HPSE2: variants seen among roughly 807,000 people sequenced by gnomAD.
HPSE2 encodes inactive heparanase-2.
In HPSE2, 38 loss-of-function variants were observed where a neutral mutation model predicts 60.5. The observed-to-expected ratio is 0.63, with a 90% CI of 0.48 to 0.82. The LOEUF (loss-of-function observed/expected upper bound fraction) is 0.82, where lower values mean the gene tolerates loss of function less well. HPSE2 is among the 40% of genes least tolerant of loss of function. The pLI is 0.00. For synonymous variants in HPSE2, 295 were observed against 293.2 expected (o/e 1.01, Z -0.06); for missense variants, 713 against 740.4 (o/e 0.96, Z 0.43).
intron 4 of HPSE2, among the ~76,000 whole-genome samples, chr10:98,738,638 A>C (rs1464112083): frequency 6.6e-6 from 1 of 151,758 alleles, no homozygotes; most frequent in Non-Finnish European, 1.5e-5. Context: ...AAGAAAAAAA[A>C]CCCCCATCAA....
intron 3 of HPSE2, among the ~76,000 whole-genome samples, chr10:99,082,305 G>T (rs1191900490): frequency 2.6e-5 from 4 of 152,180 alleles, no homozygotes; most frequent in African/African-American, 4.8e-5. Context: ...CAGCTGGAAA[G>T]TTCCCAAAAG....
At chr10:98,569,802 C>T (rs1944445133) in intron 9 of HPSE2, among the ~76,000 whole-genome samples, 1 of 152,162 alleles carries the variant, frequency 6.6e-6, no homozygotes, top group African/African-American at 2.4e-5. Context: ...CCAGAAGTCT[C>T]TTTTTTACCT....
chr10:98,700,632 A>C (rs1427291863), intron 5 of HPSE2, among the ~76,000 whole-genome samples: 3 of 94,392 alleles, frequency 3.2e-5, no homozygotes, highest in Admixed American at 2.6e-4. Flanking sequence ...ACAAAAGCCA[A>C]AATTGACAAA....
intron 3 of HPSE2, among the ~76,000 whole-genome samples, chr10:98,866,778 A>G (rs1952598011): frequency 6.6e-6 from 1 of 152,180 alleles, no homozygotes; most frequent in South Asian, 2.1e-4. Context: ...TATAGCCAGT[A>G]AAAATATCTT....
At chr10:98,631,175 T>C (rs2134010993) in intron 7 of HPSE2, among the ~76,000 whole-genome samples, 1 of 152,364 alleles carries the variant, frequency 6.6e-6, no homozygotes, top group East Asian at 1.9e-4. Context: ...TTGCGGCTTC[T>C]GTTTCTGTGA....
chr10:98,837,681 T>C (rs1328627184), intron 3 of HPSE2, among the ~76,000 whole-genome samples: 1 of 151,126 alleles, frequency 6.6e-6, no homozygotes, highest in Non-Finnish European at 1.5e-5. Flanking sequence ...GAGACCATTC[T>C]GCCTAACACG....
At chr10:99,147,269 A>G (rs1846089769) in intron 2 of HPSE2, among the ~76,000 whole-genome samples, 1 of 152,236 alleles carries the variant, frequency 6.6e-6, no homozygotes, top group Admixed American at 6.5e-5. Context: ...TACATTAAAC[A>G]ATAAAAGGAA....
chr10:98,876,499 T>G (rs1952881361), intron 3 of HPSE2, among the ~76,000 whole-genome samples: 1 of 151,958 alleles, frequency 6.6e-6, no homozygotes, highest in South Asian at 2.1e-4. Flanking sequence ...TGTTGAATGA[T>G]GAATTAATGC....
chr10:98,639,650 G>A lies in HPSE2; in HGVS notation c.1098+2197C>T, dbSNP rs72831960. 6.8e-3 allele frequency among the ~76,000 whole-genome samples: 1,042 copies of A among 152,346 alleles called. 8 individuals are homozygous for A. Among genetic ancestry groups the A allele is most frequent in the South Asian group, 0.027 (130 of 4,828 alleles). On this transcript the variant is annotated intron_variant, in intron 7 of 11. Coordinates refer to ENST00000370552, the MANE Select transcript of HPSE2 (RefSeq NM_021828.5). ...TCTTGGGCCCTGGATAAATCAGGAAGTAAGTTATTTCAGTTTTCAAACTGG... is the reference window on the plus strand; with the variant it reads ...TCTTGGGCCCTGGATAAATCAGGAAATAAGTTATTTCAGTTTTCAAACTGG...
intron 3 of HPSE2, among the ~76,000 whole-genome samples, chr10:99,051,488 G>A (rs1197050061): frequency 7.9e-5 from 12 of 152,122 alleles, no homozygotes; most frequent in African/African-American, 2.7e-4. Context: ...GTTCAGGGCA[G>A]GCAAAGAAGC....
At chr10:99,040,512 C>A (rs1589560591) in intron 3 of HPSE2, among the ~76,000 whole-genome samples, 1 of 152,130 alleles carries the variant, frequency 6.6e-6, no homozygotes, top group African/African-American at 2.4e-5. Flanking sequence ...TTCTTCTAAT[C>A]TGTTTTTCAT....
chr10:98,476,530 C>T (rs190470347), intron 11 of HPSE2, among the ~76,000 whole-genome samples: 2 of 151,908 alleles, frequency 1.3e-5, no homozygotes, highest in African/African-American at 4.8e-5. Flanking sequence ...GTGGCTCATG[C>T]TTGTAATCCA....
intron 3 of HPSE2, among the ~76,000 whole-genome samples, chr10:98,841,050 G>C (rs1478446470): frequency 6.6e-6 from 1 of 152,152 alleles, no homozygotes; most frequent in East Asian, 1.9e-4. Context: ...TTGAAGCCAG[G>C]AGTTGGAGAC....
At chr10:99,123,074 A>T (rs1016028589) in intron 3 of HPSE2, among the ~76,000 whole-genome samples, 4 of 152,192 alleles carry the variant, frequency 2.6e-5, no homozygotes, top group African/African-American at 9.6e-5. Context: ...CATTTGGAAG[A>T]AAATGTTATA....
chr10:98,726,215 G>A (rs1303109326), intron 4 of HPSE2, among the ~76,000 whole-genome samples: 4 of 152,156 alleles, frequency 2.6e-5, no homozygotes, highest in Admixed American at 2.0e-4. Flanking sequence ...ATTCACAATA[G>A]CAAAGACTTG....
At chr10:98,600,771 TATAC>T (rs1200408257) in intron 9 of HPSE2, among the ~76,000 whole-genome samples, 8 of 147,796 alleles carry the variant, frequency 5.4e-5, no homozygotes, top group African/African-American at 2.0e-4. Flanking sequence ...TACACACATA[TATAC>T]ATACATAAAC....
intron 3 of HPSE2, among the ~76,000 whole-genome samples, chr10:98,863,037 T>C (rs1952497490): frequency 6.6e-6 from 1 of 152,156 alleles, no homozygotes; most frequent in Non-Finnish European, 1.5e-5. Context: ...GTGCTGGCAT[T>C]ATAGACGTGA....
intron 3 of HPSE2, among the ~76,000 whole-genome samples, chr10:98,957,156 T>C (rs1378547963): frequency 6.6e-6 from 1 of 152,170 alleles, no homozygotes; most frequent in Non-Finnish European, 1.5e-5. Flanking sequence ...ACCTCCCCAG[T>C]GGTCGCAAGT....
At chr10:99,033,333 T>C (rs1318551147) in intron 3 of HPSE2, among the ~76,000 whole-genome samples, 1 of 152,162 alleles carries the variant, frequency 6.6e-6, no homozygotes, top group Non-Finnish European at 1.5e-5. Flanking sequence ...CAAAATATGA[T>C]TTCTAAGTTA....
Sources: gnomAD v4.1 joint callset for allele counts (sites outside exome capture counted in the v4.1 genomes callset) on GRCh38, gnomAD v4.1.1 for gene constraint, MANE v1.5 for transcripts, NCBI Gene and HGNC (gene_info 2026-07-23, HGNC 2026-07-21) for gene names.